TTC38: variants seen among roughly 807,000 people sequenced by gnomAD.
TTC38 encodes the protein tetratricopeptide repeat domain 38.
TTC38 carries 64 observed loss-of-function variants against 64.2 expected under a neutral mutation model. The ratio of observed to expected loss-of-function variants is 1.00; its 90% confidence interval spans 0.81 to 1.23. The LOEUF is 1.23. Ranked by LOEUF, TTC38 falls within the 50% of genes most tolerant of loss-of-function variation. TTC38 has a pLI of 0.00. For missense variants in TTC38, 573 were observed against 615.5 expected (o/e 0.93, Z 0.73); for synonymous variants, 254 against 249.3 (o/e 1.02, Z -0.18).
rs1936964421 is a variant in TTC38 at position 46,274,460 on chromosome 22, T to G, written c.365+391T>G. Reference sequence around the variant, plus strand: ...ATCTTCACCCATAAGTTCCTTGCTCTTGCACTGACTTTCACATCATCCCCC... The same window carrying G: ...ATCTTCACCCATAAGTTCCTTGCTCGTGCACTGACTTTCACATCATCCCCC... On this transcript the variant is annotated intron_variant, in intron 4 of 13. Coordinates refer to ENST00000381031, the MANE Select transcript of TTC38 (RefSeq NM_017931.4). The surrounding 1 kb of genome is among the most constrained non-coding windows in gnomAD (Gnocchi z 4.8). 6.6e-6 allele frequency among the ~76,000 whole-genome samples: 1 copy of G among 152,264 alleles called. No homozygotes were observed. The highest frequency in any genetic ancestry group is 6.5e-5 in the Admixed American group (1 of 15,292).
Position 46,289,467 on chromosome 22 carries a change from TG to T in TTC38, c.1150del (p.Val384TrpfsTer39), listed in dbSNP as rs1222529186. 2 of 1,609,520 alleles carry T rather than the reference TG, an allele frequency of 1.2e-6. No individual in the cohort carries two copies. Among genetic ancestry groups the T allele is most frequent in the Admixed American group, 3.3e-5 (2 of 59,952 alleles). ...GTGGGGCTGCCCCTGTGCCAGGCCC[TG>T]GTGGAGGCTGAGGACGGGAACCCTG... ...RDVGLPLCQALVEAEDGNPDR... is the reference protein window; with the variant it reads ...RDVGLPLCQAXVEAEDGNPDR... On this transcript the variant is annotated frameshift_variant, in exon 12 of 14. Transcript: ENST00000381031. LOFTEE classifies it high-confidence loss of function.
At position 46,281,667 on chromosome 22, in the gene TTC38, A is replaced by G; in HGVS notation, c.684A>G (p.Ala228=). 1 of 1,614,132 alleles carries G rather than the reference A, an allele frequency of 6.2e-7. No homozygotes were observed. The highest frequency in any genetic ancestry group is 8.5e-7 in the Non-Finnish European group (1 of 1,179,968). The part of the protein sequence containing the change: ...HTVAHIHEMK[A]EIKDGLEFMQ... ...TCGCTCACATCCACGAGATGAAAGC[A>G]GAGATCAAGGATGGGTTGGAATTCA... The change falls in exon 7 of 14, where the codon GCA becomes GCG. Residue 228 remains alanine (A), a synonymous_variant. Transcript: ENST00000381031. The surrounding 1 kb of genome is among the most constrained non-coding windows in gnomAD (Gnocchi z 5.2).
chr22:46,276,161 T>C lies in TTC38; in HGVS notation c.539+740T>C, dbSNP rs1191149787. Among the ~76,000 whole-genome samples, 1 of 151,998 alleles carries C rather than the reference T, an allele frequency of 6.6e-6. No homozygotes were observed. The highest frequency in any genetic ancestry group is 1.5e-5 in the Non-Finnish European group (1 of 67,858). ...AGACAGAGAGAGAGATGGAGATTTA[T>C]TTTAAGGAATTGGCTCATGTGAGTG... On this transcript the variant is annotated intron_variant, in intron 5 of 13. Transcript: ENST00000381031. The surrounding 1 kb of genome is among the most constrained non-coding windows in gnomAD (Gnocchi z 4.7).
Position 46,268,601 on chromosome 22 carries a change from C to A in TTC38, c.111+10C>A, listed in dbSNP as rs750289252. Reference sequence around the variant, plus strand: ...TGCCACGCTGACCCAGGTATGCCTGCCGAGAGAGGCCGCGGCCCCTTCTGT... The same window carrying A: ...TGCCACGCTGACCCAGGTATGCCTGACGAGAGAGGCCGCGGCCCCTTCTGT... On this transcript the variant is annotated intron_variant, in intron 2 of 13. Coordinates refer to ENST00000381031, the MANE Select transcript of TTC38 (RefSeq NM_017931.4). 1.9e-6 allele frequency: 3 copies of A among 1,613,492 alleles called. No individual in the cohort carries two copies. The South Asian group carries it at 3.3e-5, about 18-fold the overall frequency.
Position 46,275,550 on chromosome 22 carries a change from AAAGTT to A in TTC38, c.539+130_539+134del, listed in dbSNP as rs1244279791. On this transcript the variant is annotated intron_variant, in intron 5 of 13. Coordinates refer to ENST00000381031, the MANE Select transcript of TTC38 (RefSeq NM_017931.4). This position sits in a 1 kb window ranked among gnomAD's most constrained non-coding sequence, Gnocchi z 4.5. The stretch of plus-strand genomic sequence containing the variant: ...ACTGTTGCTATTCTCCTAGTTCCTT[AAAGTT>A]CAAAGGCCTCATTTTCTTCACTTGA... The A allele has an allele frequency of 6.7e-6, 6 of 899,816 alleles. No homozygotes were observed. The African/African-American group carries it at 1.0e-4, about 15-fold the overall frequency. 55.7% of individuals were successfully genotyped at this position (899,816 alleles called of 1,614,324 possible).
At chr22:46,268,380 C>A in intron 1 of TTC38, 134 bp from the exon 2 acceptor site, 1 of 978,338 alleles carries the variant, frequency 1.0e-6, no homozygotes, top group Non-Finnish European at 1.5e-6. Context: ...TTGGAACCGG[C>A]CCAGGACTGG....
intron 11 of TTC38, 150 bp from the exon 12 acceptor site, chr22:46,289,252 G>A (rs760271768): frequency 2.6e-5 from 27 of 1,021,662 alleles, no homozygotes; most frequent in East Asian, 1.3e-4. Context: ...CTGTCCCCTC[G>A]ATGGGCTGCC....
rs1231326473 is a variant in TTC38, at chr22:46,281,158, C to T, written c.616-441C>T. Among the ~76,000 whole-genome samples, 3 of 152,194 alleles carry T rather than the reference C, an allele frequency of 2.0e-5. No homozygotes were observed. The highest frequency in any genetic ancestry group is 6.5e-5 in the Admixed American group (1 of 15,286). The stretch of plus-strand genomic sequence containing the variant: ...ACAGCCACTGGAGGACTTGATAGTT[C>T]ACACCACGTTCACATGGGCAGTAAC... On this transcript the variant is annotated intron_variant, in intron 6 of 13. Coordinates refer to ENST00000381031, the MANE Select transcript of TTC38 (RefSeq NM_017931.4). The surrounding 1 kb of genome is among the most constrained non-coding windows in gnomAD (Gnocchi z 5.2).
intron 9 of TTC38, among the ~76,000 whole-genome samples, chr22:46,286,712 G>A (rs2077574440): frequency 6.6e-6 from 1 of 152,110 alleles, no homozygotes; most frequent in South Asian, 2.1e-4. Flanking sequence ...TACACCGTGA[G>A]CTCGAGGTGG....
Position 46,282,679 on chromosome 22 carries a change from A to G in TTC38, c.735+961A>G, listed in dbSNP as rs1444637869. ...GTGGTCAGGTTCCCTTCTCAGGGAC[A>G]CTGAGGTTTGTTTGAGGTTTCTGAG... On this transcript the variant is annotated intron_variant, in intron 7 of 13. Transcript: ENST00000381031. The surrounding 1 kb of genome is among the most constrained non-coding windows in gnomAD (Gnocchi z 4.4). 2.0e-5 allele frequency among the ~76,000 whole-genome samples: 3 copies of G among 152,132 alleles called. No individual in the cohort carries two copies. The highest frequency in any genetic ancestry group is 7.2e-5 in the African/African-American group (3 of 41,436).
Position 46,281,578 on chromosome 22 carries a change from T to C in TTC38, c.616-21T>C, listed in dbSNP as rs1569021364. On this transcript the variant is annotated intron_variant, in intron 6 of 13. Transcript: ENST00000381031. The surrounding 1 kb of genome is among the most constrained non-coding windows in gnomAD (Gnocchi z 5.2). ...GACTGATCTGCTTTATCTGGAATCC[T>C]CTTCCCCGCACCCTGCGTAGGCTTT... is the stretch of plus-strand genomic sequence containing the variant. 3 of 1,598,138 alleles carry C rather than the reference T, an allele frequency of 1.9e-6. No individual in the cohort carries two copies. The highest frequency in any genetic ancestry group is 2.6e-6 in the Non-Finnish European group (3 of 1,169,536).
At chr22:46,279,217 G>A (rs1170767399) in intron 6 of TTC38, among the ~76,000 whole-genome samples, 2 of 152,192 alleles carry the variant, frequency 1.3e-5, no homozygotes, top group East Asian at 1.9e-4. Flanking sequence ...TGTCAGGCCT[G>A]GGGCGCGAAT....
Position 46,281,879 on chromosome 22 carries a change from A to G in TTC38, c.735+161A>G, listed in dbSNP as rs2077537787. ...CCTCAGGTGTTTGGCTGCTGAGCAG[A>G]ATGCAATCAAGATTCCAGTCCCCAC... On this transcript the variant is annotated intron_variant, in intron 7 of 13. Transcript: ENST00000381031. This position sits in a 1 kb window ranked among gnomAD's most constrained non-coding sequence, Gnocchi z 5.2. 1 of 965,008 alleles carries G rather than the reference A, an allele frequency of 1.0e-6. No individual in the cohort carries two copies. The highest frequency in any genetic ancestry group is 2.2e-5 in the Admixed American group (1 of 45,642). 59.8% of individuals were successfully genotyped at this position (965,008 alleles called of 1,614,324 possible).
rs777519735 is a variant in TTC38, at chr22:46,273,286, A to G, written c.194-612A>G. The stretch of plus-strand genomic sequence containing the variant: ...TCACCAGCTGTTTTCCAGGGTCCAC[A>G]TGGGTGGTCCTAGCACACTATGGTT... On this transcript the variant is annotated intron_variant, in intron 3 of 13. Coordinates refer to ENST00000381031, the MANE Select transcript of TTC38 (RefSeq NM_017931.4). The surrounding 1 kb of genome is among the most constrained non-coding windows in gnomAD (Gnocchi z 5.1). 6.6e-6 allele frequency among the ~76,000 whole-genome samples: 1 copy of G among 152,118 alleles called. No homozygotes were observed. Among genetic ancestry groups the G allele is most frequent in the Non-Finnish European group, 1.5e-5 (1 of 67,994 alleles).
rs764144528 is a variant in TTC38 at position 46,273,960 on chromosome 22, G to A, written c.256G>A (p.Asp86Asn). ...LIGTGSSVKL[D>N]KELDLAVKTM... ...TGGCACTGGAAGCTCCGTGAAGCTG[G>A]ACAAAGAGCTGGACCTGGCTGTGAA... The change falls in exon 4 of 14, where the codon GAC (aspartate) becomes AAC (asparagine). Residue 86 changes from aspartate to asparagine, a missense_variant. Asp to Asn is a conservative substitution (Grantham distance 23). Transcript: ENST00000381031. This position sits in a 1 kb window ranked among gnomAD's most constrained non-coding sequence, Gnocchi z 5.1. The A allele has an allele frequency of 1.2e-6, 2 of 1,614,234 alleles. No homozygotes were observed. The highest frequency in any genetic ancestry group is 1.3e-5 in the African/African-American group (1 of 75,066).
At position 46,285,295 on chromosome 22, in the gene TTC38, A is replaced by G; in HGVS notation, c.834+16A>G. On this transcript the variant is annotated intron_variant, in intron 9 of 13. Transcript: ENST00000381031. ...CGATACCCACGTAAGTTGCATTCAC[A>G]CCGTGTTTGGTTTGTTGCAGCATTT... 6.2e-7 allele frequency: 1 copy of G among 1,613,872 alleles called. No individual in the cohort carries two copies. Among genetic ancestry groups the G allele is most frequent in the East Asian group, 2.2e-5 (1 of 44,892 alleles).
At position 46,276,719 on chromosome 22, in the gene TTC38, AAT is replaced by A. The variant is rs2077489628; in HGVS notation, c.539+1307_539+1308del. On this transcript the variant is annotated intron_variant, in intron 5 of 13. Transcript: ENST00000381031. The surrounding 1 kb of genome is among the most constrained non-coding windows in gnomAD (Gnocchi z 4.7). ...TATCTAAAAGAATATATATATTAAA[AAT>A]ATATATATTAAAAAAATATATATAA... Among the ~76,000 whole-genome samples the A allele has an allele frequency of 6.9e-6, 1 of 145,918 alleles. No individual in the cohort carries two copies. The highest frequency in any genetic ancestry group is 7.0e-5 in the Admixed American group (1 of 14,314).
intron 10 of TTC38, 23 bp from the exon 11 acceptor site, chr22:46,288,400 G>GGGTCTCCTCCCCATGTCCTC (rs1278228132): frequency 1.2e-6 from 2 of 1,607,926 alleles, no homozygotes; most frequent in Non-Finnish European, 1.7e-6. Context: ...TCCAGGCCCT[G>GGGTCTCCTCCCCATGTCCTC]GGTCTCCTCC....
At chr22:46,277,367 G>T (rs959235443) in intron 5 of TTC38, among the ~76,000 whole-genome samples, 7 of 152,146 alleles carry the variant, frequency 4.6e-5, no homozygotes, top group African/African-American at 1.7e-4. Flanking sequence ...CACTTTGGGA[G>T]GCCGAGGCGG....
Sources: allele counts gnomAD v4.1 joint callset (sites outside exome capture counted in the v4.1 genomes callset), GRCh38; gene constraint gnomAD v4.1.1; non-coding constraint Gnocchi (gnomAD v3.1); transcripts MANE v1.5; gene names NCBI Gene and HGNC (gene_info 2026-07-23, HGNC 2026-07-21).